The following TCF4 variants were observed in gnomAD, a reference collection of about 807,000 sequenced individuals.
TCF4 encodes SL3-3 enhancer factor 2.
A neutral mutation model predicts 82.1 loss-of-function variants in TCF4; 3 were observed. The ratio of observed to expected loss-of-function variants is 0.04; its 90% CI spans 0.02 to 0.09. The LOEUF is 0.09. Among genes scored for constraint, TCF4 ranks in the 10% least tolerant of loss-of-function variants. TCF4 has a pLI of 1.00. For synonymous variants in TCF4, 276 were observed against 309.6 expected (o/e 0.89, Z 1.14); for missense variants, 518 against 852.7 (o/e 0.61, Z 4.89).
intron 11 of TCF4, chr18:55,265,582 C>T (rs1038264560): frequency 6.6e-6 from 1 of 152,160 alleles, no homozygotes; most frequent in African/African-American, 2.4e-5. Context: ...CTTCACATTG[C>T]TGGATACAAT....
At chr18:55,404,680 TC>T (rs2093997989) in intron 5 of TCF4, among the ~76,000 whole-genome samples, 1 of 152,194 alleles carries the variant, frequency 6.6e-6, no homozygotes, top group East Asian at 1.9e-4. Context: ...ATCTTTTAGG[TC>T]AATGGCAATG....
chr18:55,347,011 A>T (rs2081317997), intron 8 of TCF4, among the ~76,000 whole-genome samples: 1 of 152,226 alleles, frequency 6.6e-6, no homozygotes, highest in African/African-American at 2.4e-5. Context: ...TATATAAAAC[A>T]AATTTGTTGA....
At chr18:55,409,349 C>T (rs1413802466) in intron 5 of TCF4, among the ~76,000 whole-genome samples, 1 of 152,108 alleles carries the variant, frequency 6.6e-6, no homozygotes, top group East Asian at 1.9e-4. Flanking sequence ...TTGAGAAGTA[C>T]TGCAGTTAAG....
rs1163224221 is a variant in TCF4, at chr18:55,624,909, C to G, written c.286+6389G>C. Among the ~76,000 whole-genome samples the G allele has an allele frequency of 2.0e-5, 3 of 152,276 alleles. No individual in the cohort carries two copies. The East Asian group carries it at 5.8e-4, about 29-fold the overall frequency. The stretch of plus-strand genomic sequence containing the variant: ...CCACAAACTCTTCAGTGTCAAATGC[C>G]TGACCCTTCCTCATCCTAGTACCAG... On this transcript the variant is annotated intron_variant, in intron 2 of 20. Coordinates refer to the TCF4 transcript ENST00000398339.
intron 3 of TCF4, among the ~76,000 whole-genome samples, chr18:55,528,048 C>CA (rs574510667): frequency 1.1e-4 from 17 of 151,548 alleles, no homozygotes; most frequent in Admixed American, 4.6e-4. Flanking sequence ...TTGTTACACA[C>CA]AAAAAAAACC....
At chr18:55,504,676 A>G (rs1028762251) in intron 3 of TCF4, among the ~76,000 whole-genome samples, 8 of 152,216 alleles carry the variant, frequency 5.3e-5, no homozygotes, top group African/African-American at 1.7e-4. Flanking sequence ...TGACAGAGCT[A>G]TAACATTCTC....
chr18:55,273,752 G>T (rs1210306788), intron 10 of TCF4, among the ~76,000 whole-genome samples: 1 of 152,112 alleles, frequency 6.6e-6, no homozygotes, highest in Admixed American at 6.6e-5. Flanking sequence ...TTCTGATATA[G>T]CCTACTGGGT....
At chr18:55,500,110 A>C (rs770689691) in intron 3 of TCF4, among the ~76,000 whole-genome samples, 1 of 152,132 alleles carries the variant, frequency 6.6e-6, no homozygotes, top group Non-Finnish European at 1.5e-5. Flanking sequence ...TGAACCTGGG[A>C]GGCTGAGGCT....
At chr18:55,427,076 T>C (rs778281310) in intron 5 of TCF4, among the ~76,000 whole-genome samples, 1 of 152,126 alleles carries the variant, frequency 6.6e-6, no homozygotes, top group Non-Finnish European at 1.5e-5. Flanking sequence ...CTTGAGAATA[T>C]AAGGGGGAAA....
intron 3 of TCF4, chr18:55,510,482 T>C (rs2096814559): frequency 4.4e-6 from 4 of 911,976 alleles, no homozygotes; most frequent in African/African-American, 3.4e-5. Context: ...CAGTCAAATA[T>C]GTCCAGCAAT....
chr18:55,603,722 AC>A (rs1415342782), intron 2 of TCF4, among the ~76,000 whole-genome samples: 2 of 152,142 alleles, frequency 1.3e-5, no homozygotes, highest in Non-Finnish European at 2.9e-5. Context: ...GCTGCTATCA[AC>A]CCCAAGGGAA....
intron 3 of TCF4, among the ~76,000 whole-genome samples, chr18:55,499,015 G>GT (rs2096668007): frequency 6.6e-6 from 1 of 152,100 alleles, no homozygotes; most frequent in African/African-American, 2.4e-5. Context: ...GAAAGTTTTT[G>GT]TTTTTTAGAT....
intron 2 of TCF4, among the ~76,000 whole-genome samples, chr18:55,602,122 C>T (rs2097697740): frequency 6.6e-6 from 1 of 152,186 alleles, no homozygotes; most frequent in Non-Finnish European, 1.5e-5. Flanking sequence ...TACTATGTGG[C>T]AGGCACATTT....
At chr18:55,267,254 A>G (rs2059391808) in intron 11 of TCF4, 1 of 152,146 alleles carries the variant, frequency 6.6e-6, no homozygotes, top group South Asian at 2.1e-4. Flanking sequence ...GTTCTTTGAG[A>G]TACAGGCAAC....
intron 6 of TCF4, among the ~76,000 whole-genome samples, chr18:55,399,878 TCTCACACA>T (rs773487013): frequency 0.013 from 989 of 76,910 alleles, 13 homozygotes; most frequent in African/African-American, 0.043. Context: ...TCTCTCTCTC[TCTCACACA>T]CACACACACA....
intron 8 of TCF4, among the ~76,000 whole-genome samples, chr18:55,342,100 C>CT (rs2080105453): frequency 6.6e-6 from 1 of 152,088 alleles, no homozygotes; most frequent in South Asian, 2.1e-4. Context: ...AATGAACATG[C>CT]TTTTTTCCCC....
intron 3 of TCF4, among the ~76,000 whole-genome samples, chr18:55,468,923 G>A (rs2096108214): frequency 6.9e-6 from 1 of 144,064 alleles, no homozygotes; most frequent in South Asian, 2.2e-4. Context: ...TTTCCAAGAT[G>A]GGAGAATAAA....
chr18:55,565,338 G>A (rs569446192), intron 3 of TCF4, among the ~76,000 whole-genome samples: 1 of 151,508 alleles, frequency 6.6e-6, no homozygotes, highest in Admixed American at 6.6e-5. Context: ...AAGTATAAAT[G>A]CAAGAAATAA....
chr18:55,250,560 G>A lies in TCF4; in HGVS notation c.1350+3937C>T, dbSNP rs2054690158. On this transcript the variant is annotated intron_variant, in intron 15 of 19. Transcript: ENST00000354452. ...CCCGCTGCAGGACTTGAGACTAACT[G>A]CTCAAACTTCTAAGGCTCACTTTAC... Among the ~76,000 whole-genome samples, 5 of 152,196 alleles carry A rather than the reference G, an allele frequency of 3.3e-5. No homozygotes were observed. In the South Asian group the frequency reaches 1.0e-3, roughly 31 times the overall value.
Sources: allele counts gnomAD v4.1 joint callset (sites outside exome capture counted in the v4.1 genomes callset), GRCh38; gene constraint gnomAD v4.1.1; transcripts MANE v1.5; gene names NCBI Gene and HGNC (gene_info 2026-07-23, HGNC 2026-07-21).